PNOC: variants seen among roughly 807,000 people sequenced by gnomAD.
PNOC encodes the protein prepronociceptin.
A neutral mutation model predicts 15.6 loss-of-function variants in PNOC; 10 were observed. That is an observed-to-expected ratio of 0.64 (90% CI 0.40 to 1.09). The LOEUF is 1.09. Ranked by LOEUF, PNOC falls within the 50% of genes least tolerant of loss-of-function variation. The pLI is 0.01. For missense variants in PNOC, 220 were observed against 223.9 expected, an observed-to-expected ratio of 0.98 and a Z score of 0.11; for synonymous variants, 98 against 88.5, an observed-to-expected ratio of 1.11 and a Z score of -0.60.
At chr8:28,333,404 C>T (rs1264869104) in intron 2 of PNOC, among the ~76,000 whole-genome samples, 2 of 152,184 alleles carry the variant, frequency 1.3e-5, no homozygotes, top group Non-Finnish European at 2.9e-5. Context: ...CGTGGGCTGC[C>T]AAAACGTGTC....
chr8:28,327,565 C>CTTTTTT (rs1369152376), intron 1 of PNOC, among the ~76,000 whole-genome samples: 1 of 145,564 alleles, frequency 6.9e-6, no homozygotes, highest in Non-Finnish European at 1.5e-5. Context: ...ACATAAAATT[C>CTTTTTT]TTTTCTTTTT....
At chr8:28,320,888 T>C (rs1208068836) in intron 1 of PNOC, among the ~76,000 whole-genome samples, 2 of 151,812 alleles carry the variant, frequency 1.3e-5, no homozygotes, top group African/African-American at 2.4e-5. Flanking sequence ...GTTTGAAGAT[T>C]GTTGTCCTAG....
intron 2 of PNOC, among the ~76,000 whole-genome samples, chr8:28,336,687 G>A (rs1049777338): frequency 2.6e-5 from 4 of 152,146 alleles, no homozygotes; most frequent in African/African-American, 9.7e-5. Flanking sequence ...TGTGAGCAAG[G>A]TAATGACATG....
chr8:28,334,042 T>G (rs1801371679), intron 2 of PNOC, among the ~76,000 whole-genome samples: 1 of 144,420 alleles, frequency 6.9e-6, no homozygotes, highest in Non-Finnish European at 1.5e-5. Context: ...GGCCTCTAGG[T>G]GCCAGTAACA....
chr8:28,320,838 G>A (rs1234571987), intron 1 of PNOC, among the ~76,000 whole-genome samples: 2 of 144,702 alleles, frequency 1.4e-5, no homozygotes, highest in East Asian at 2.0e-4. Context: ...GTGACAGAGC[G>A]AGACTCCATC....
intron 1 of PNOC, 22 bp from the exon 2 acceptor site, chr8:28,329,113 C>T (rs754068711): frequency 6.2e-7 from 1 of 1,609,984 alleles, no homozygotes; most frequent in South Asian, 1.1e-5. Flanking sequence ...GTACTCATTG[C>T]CATGCTTCCT....
At chr8:28,331,415 G>A (rs1322137571) in intron 2 of PNOC, among the ~76,000 whole-genome samples, 1 of 151,916 alleles carries the variant, frequency 6.6e-6, no homozygotes. Context: ...TGGCTACTGT[G>A]TTGGTTCCTT....
At chr8:28,320,121 T>TTTTTC (rs11441645) in intron 1 of PNOC, among the ~76,000 whole-genome samples, 1 of 127,598 alleles carries the variant, frequency 7.8e-6, no homozygotes, top group Non-Finnish European at 1.6e-5. Flanking sequence ...TTTTTTTTTT[T>TTTTTC]CAAAATACTG....
intron 1 of PNOC, among the ~76,000 whole-genome samples, chr8:28,325,612 A>G (rs568712350): frequency 2.5e-4 from 37 of 148,358 alleles, no homozygotes; most frequent in Non-Finnish European, 4.3e-4. Context: ...AGATCGCGCC[A>G]CTGCACTCCA....
chr8:28,318,353 G>T (rs1009780850), intron 1 of PNOC, among the ~76,000 whole-genome samples: 2 of 152,176 alleles, frequency 1.3e-5, no homozygotes, highest in Admixed American at 1.3e-4. Flanking sequence ...TCTGTGTTTA[G>T]CTTCCTCAAG....
chr8:28,330,396 A>ATTTTTTTTTTTTTT (rs67554549), intron 2 of PNOC, among the ~76,000 whole-genome samples: 4 of 80,454 alleles, frequency 5.0e-5, no homozygotes, highest in Non-Finnish European at 7.9e-5. Context: ...ATTTTATTTT[A>ATTTTTTTTTTTTTT]TTTTTTTTTT....
intron 3 of PNOC, among the ~76,000 whole-genome samples, chr8:28,341,345 T>C (rs1327187713): frequency 6.6e-6 from 1 of 152,240 alleles, no homozygotes; most frequent in Non-Finnish European, 1.5e-5. Context: ...GCACTGCTTT[T>C]GAAGTCATAC....
intron 1 of PNOC, among the ~76,000 whole-genome samples, chr8:28,328,092 G>C (rs1374922941): frequency 8.5e-6 from 1 of 117,154 alleles, no homozygotes; most frequent in Non-Finnish European, 1.6e-5. Context: ...TTTTGAGACA[G>C]AGTCTCACTC....
intron 2 of PNOC, among the ~76,000 whole-genome samples, chr8:28,338,065 C>A (rs993070366): frequency 6.6e-6 from 1 of 152,192 alleles, no homozygotes; most frequent in Non-Finnish European, 1.5e-5. Flanking sequence ...AGGAGCTCCA[C>A]GCTATGATGA....
intron 2 of PNOC, among the ~76,000 whole-genome samples, chr8:28,330,241 C>CGG (rs1185483875): frequency 1.3e-5 from 2 of 151,544 alleles, no homozygotes; most frequent in Non-Finnish European, 2.9e-5. Flanking sequence ...CCACCGTGCC[C>CGG]CTCCGCATAG....
chr8:28,330,954 C>G (rs1057130922), intron 2 of PNOC, among the ~76,000 whole-genome samples: 1 of 152,050 alleles, frequency 6.6e-6, no homozygotes, highest in Non-Finnish European at 1.5e-5. Context: ...ATCTTTTAAA[C>G]CCCTTAACCT....
intron 2 of PNOC, chr8:28,338,836 G>A (rs1243719060): frequency 9.1e-7 from 1 of 1,093,572 alleles, no homozygotes; most frequent in African/African-American, 1.6e-5. Context: ...GTAAAATGAT[G>A]GAGCTGGGTC....
intron 1 of PNOC, among the ~76,000 whole-genome samples, chr8:28,324,303 T>C (rs545770328): frequency 2.0e-5 from 3 of 152,214 alleles, no homozygotes; most frequent in African/African-American, 2.4e-5. Context: ...TTCCTGAACA[T>C]GCAAGTTGCC....
At chr8:28,338,164 G>A (rs1801445442) in intron 2 of PNOC, among the ~76,000 whole-genome samples, 2 of 152,096 alleles carry the variant, frequency 1.3e-5, no homozygotes, top group Admixed American at 1.3e-4. Context: ...CTGAAATTAG[G>A]GGTGAAGCCA....
Sources: allele counts gnomAD v4.1 joint callset (sites outside exome capture counted in the v4.1 genomes callset), GRCh38; gene constraint gnomAD v4.1.1; transcripts MANE v1.5; gene names NCBI Gene and HGNC (gene_info 2026-07-23, HGNC 2026-07-21).